The following THSD1 variants were observed in gnomAD, a reference collection of about 807,000 sequenced individuals.
THSD1 encodes thrombospondin type-1 domain-containing protein 1.
THSD1 carries 34 observed loss-of-function variants against 46.3 expected under a neutral mutation model. The ratio of observed to expected loss-of-function variants is 0.74; its 90% CI spans 0.56 to 0.98. THSD1 has a LOEUF of 0.98. Ranked by LOEUF, THSD1 falls within the 50% of genes least tolerant of loss-of-function variation. THSD1 has a pLI of 0.00. For synonymous variants in THSD1, 407 were observed against 416.5 expected (o/e 0.98, Z 0.28); for missense variants, 1,023 against 1,058.3 (o/e 0.97, Z 0.46).
At chr13:52,384,489 A>G (rs554162271) in intron 4 of THSD1, 27 of 449,328 alleles carry the variant, frequency 6.0e-5, no homozygotes, top group Middle Eastern at 3.3e-4. Context: ...AATGCCTGGC[A>G]GGCAGTAAGC....
chr13:52,380,535 C>T (rs1401742830), intron 4 of THSD1, among the ~76,000 whole-genome samples: 1 of 150,890 alleles, frequency 6.6e-6, no homozygotes, highest in African/African-American at 2.4e-5. Context: ...TCTTTTCCAC[C>T]TCCTGGGTTC....
intron 3 of THSD1, among the ~76,000 whole-genome samples, chr13:52,396,316 G>A (rs566549478): frequency 1.3e-5 from 2 of 152,246 alleles, no homozygotes; most frequent in South Asian, 4.1e-4. Context: ...AAGGTCAGGA[G>A]ATCGAGACCA....
At position 52,397,822 on chromosome 13, in the gene THSD1, G is replaced by A. The variant is rs1957823636; in HGVS notation, c.431C>T (p.Thr144Ile). ...ACTGGTAAATAGGCCCACTTGGAAG[G>A]TGCCTTCTGCTGCCTTGGCACTCCT... is the stretch of plus-strand genomic sequence containing the variant. The part of the protein sequence containing the change: ...LNRSAKAAEG[T>I]FQVGLFTSQP... The change falls in exon 3 of 5, where the codon ACC (threonine) becomes ATC (isoleucine). Residue 144 changes from threonine (T) to isoleucine (I), a missense_variant. Coordinates refer to ENST00000258613, the MANE Select transcript of THSD1 (RefSeq NM_018676.4). The A allele has an allele frequency of 6.2e-6, 10 of 1,614,126 alleles. No homozygotes were observed. The highest frequency in any genetic ancestry group is 3.3e-5 in the South Asian group (3 of 91,092).
rs564671456 is a variant in THSD1 at position 52,379,751 on chromosome 13, G to GAAAC, written c.1181-963_1181-962insGTTT. On this transcript the variant is annotated intron_variant, in intron 4 of 4. Transcript: ENST00000258613. Reference sequence around the variant, plus strand: ...GCCTCCCAAAGTGCTGGGATTACAGGTGTGAGCCACTGCGCCCAGCCAGAA... The same window carrying GAAAC: ...GCCTCCCAAAGTGCTGGGATTACAGGAAACTGTGAGCCACTGCGCCCAGCCAGAA... Among the ~76,000 whole-genome samples, 130 of 152,270 alleles carry GAAAC rather than the reference G, an allele frequency of 8.5e-4. 1 individual carries two copies. Among genetic ancestry groups the GAAAC allele is most frequent in the Middle Eastern group, 3.4e-3 (1 of 294 alleles).
rs1461191012 is a variant in THSD1 at position 52,386,215 on chromosome 13, G to A, written c.1022-29C>T. 2.5e-6 allele frequency: 4 copies of A among 1,605,676 alleles called. No homozygotes were observed. In the South Asian group the frequency reaches 3.3e-5, roughly 13 times the overall value. ...CAAGGATATAAGTTATGCTTTTAATGCTAGTTCATTTGAGAATCAGTATTT... is the reference window on the plus strand; with the variant it reads ...CAAGGATATAAGTTATGCTTTTAATACTAGTTCATTTGAGAATCAGTATTT... On this transcript the variant is annotated intron_variant, in intron 3 of 4. Transcript: ENST00000258613.
intron 4 of THSD1, among the ~76,000 whole-genome samples, chr13:52,382,575 A>T (rs889274326): frequency 1.1e-4 from 17 of 152,122 alleles, no homozygotes; most frequent in African/African-American, 3.9e-4. Context: ...CAGACACACT[A>T]AACTACTTTC....
At position 52,378,088 on chromosome 13, in the gene THSD1, A is replaced by T; in HGVS notation, c.1882T>A (p.Ser628Thr). The T allele has an allele frequency of 6.2e-7, 1 of 1,614,076 alleles. No homozygotes were observed. Among genetic ancestry groups the T allele is most frequent in the Non-Finnish European group, 8.5e-7 (1 of 1,180,012 alleles). Reference sequence around the variant, plus strand: ...CTGCTGCCCACGTGCCTTGCCTGTGACTTGCGGATCAGAGTCTGGCTGGGG... The same window carrying T: ...CTGCTGCCCACGTGCCTTGCCTGTGTCTTGCGGATCAGAGTCTGGCTGGGG... Reference protein sequence around the residue: ...ISPSQTLIRKSQARHVGSRGG... With the variant: ...ISPSQTLIRKTQARHVGSRGG... Residue 628 changes from serine (S) to threonine (T), a missense_variant, in exon 5 of 5, where the codon TCA (serine) becomes ACA (threonine). By Grantham distance (58) the Ser-to-Thr change is moderately conservative (BLOSUM62 1). Around this residue, in one of 3 missense-constraint regions of THSD1, gnomAD observed 578 missense variants for 497.4 expected, o/e 1.16. Coordinates refer to ENST00000258613, the MANE Select transcript of THSD1 (RefSeq NM_018676.4).
intron 3 of THSD1, among the ~76,000 whole-genome samples, chr13:52,391,791 C>G (rs1436837949): frequency 2.0e-5 from 3 of 152,018 alleles, no homozygotes; most frequent in Non-Finnish European, 4.4e-5. Context: ...GATTCACCCA[C>G]CTCGGCCTCT....
At chr13:52,398,745 T>C (rs1159954256) in intron 2 of THSD1, among the ~76,000 whole-genome samples, 1 of 152,212 alleles carries the variant, frequency 6.6e-6, no homozygotes, top group Non-Finnish European at 1.5e-5. Flanking sequence ...ATATCTGCAA[T>C]GAAAATCTAT....
chr13:52,406,010 G>A (rs953760801), intron 1 of THSD1, 21 bp downstream of exon 1: 2 of 152,308 alleles, frequency 1.3e-5, no homozygotes, highest in East Asian at 3.9e-4. Flanking sequence ...CGAACACCAG[G>A]ATGCGGAGGG....
Position 52,378,486 on chromosome 13 carries a change from G to A in THSD1, c.1484C>T (p.Pro495Leu). Residue 495 changes from proline to leucine, a missense_variant, in exon 5 of 5, where the codon CCT (proline) becomes CTT (leucine). This residue lies in a region of THSD1 where 578 missense variants were observed against 497.4 expected (regional missense o/e 1.16). Transcript: ENST00000258613. The stretch of plus-strand genomic sequence containing the variant: ...CGGCCCGCTCCGCCTGTAGGTCAGA[G>A]GGATGCCTGTGTCCCCTGGACTCCC... The part of the protein sequence containing the change: ...PTGSPGDTGI[P>L]LTYRRSGPVP... The A allele has an allele frequency of 1.2e-6, 2 of 1,614,224 alleles. No homozygotes were observed. The highest frequency in any genetic ancestry group is 1.1e-5 in the South Asian group (1 of 91,090).
intron 2 of THSD1, among the ~76,000 whole-genome samples, chr13:52,399,696 G>T (rs965806748): frequency 2.0e-5 from 3 of 152,166 alleles, no homozygotes; most frequent in African/African-American, 7.2e-5. Flanking sequence ...ACCATAATAG[G>T]ATAAAGTTCT....
chr13:52,378,147 T>C lies in THSD1; in HGVS notation c.1823A>G (p.Asp608Gly), dbSNP rs762347598. ...SAGERPPSRL[D>G]LNVTQASCAI... ...ACAACTGGCCTGAGTCACATTTAGA[T>C]CCAGCCTGGAGGGAGGCCTTTCCCC... Residue 608 changes from aspartate (D) to glycine (G), a missense_variant, in exon 5 of 5, where the codon GAT becomes GGT. By Grantham distance (94) the Asp-to-Gly change is moderately conservative (BLOSUM62 -1). This residue lies in a region of THSD1 where 578 missense variants were observed against 497.4 expected (regional missense o/e 1.16). Coordinates refer to ENST00000258613, the MANE Select transcript of THSD1 (RefSeq NM_018676.4). 1.2e-6 allele frequency: 2 copies of C among 1,614,104 alleles called. No homozygotes were observed. Among genetic ancestry groups the C allele is most frequent in the Admixed American group, 1.7e-5 (1 of 60,030 alleles).
chr13:52,387,257 G>A (rs1957739408), intron 3 of THSD1, among the ~76,000 whole-genome samples: 1 of 152,152 alleles, frequency 6.6e-6, no homozygotes, highest in South Asian at 2.1e-4. Flanking sequence ...AATGTGATAA[G>A]CACTGAGGGT....
At chr13:52,394,477 G>T (rs1199826120) in intron 3 of THSD1, among the ~76,000 whole-genome samples, 2 of 152,128 alleles carry the variant, frequency 1.3e-5, no homozygotes, top group African/African-American at 4.8e-5. Flanking sequence ...AGCCAGGCAT[G>T]GTGGGGCGCA....
At chr13:52,383,490 A>G (rs1197703575) in intron 4 of THSD1, among the ~76,000 whole-genome samples, 1 of 152,224 alleles carries the variant, frequency 6.6e-6, no homozygotes, top group Non-Finnish European at 1.5e-5. Context: ...TCCCTGATGT[A>G]TCACTTCCTT....
intron 3 of THSD1, among the ~76,000 whole-genome samples, chr13:52,396,687 A>G (rs1957814825): frequency 6.6e-6 from 1 of 152,184 alleles, no homozygotes; most frequent in Admixed American, 6.5e-5. Flanking sequence ...CTTCATGATT[A>G]GGTGGGGCAT....
Position 52,378,495 on chromosome 13 carries a change from G to C in THSD1, c.1475C>G (p.Thr492Arg), listed in dbSNP as rs746334791. The stretch of plus-strand genomic sequence containing the variant: ...CCGCCTGTAGGTCAGAGGGATGCCT[G>C]TGTCCCCTGGACTCCCCGTGGGCCC... ...GDGPTGSPGD[T>R]GIPLTYRRSG... Residue 492 changes from threonine (T) to arginine (R), a missense_variant, in exon 5 of 5, where the codon ACA (threonine) becomes AGA (arginine). This residue lies in a region of THSD1 where 578 missense variants were observed against 497.4 expected (regional missense o/e 1.16). Transcript: ENST00000258613. The C allele has an allele frequency of 6.2e-7, 1 of 1,614,202 alleles. No homozygotes were observed. Among genetic ancestry groups the C allele is most frequent in the Non-Finnish European group, 8.5e-7 (1 of 1,180,048 alleles).
Position 52,397,974 on chromosome 13 carries a change from G to C in THSD1, c.279C>G (p.Phe93Leu), listed in dbSNP as rs1957824886. Residue 93 changes from phenylalanine to leucine, a missense_variant, in exon 3 of 5, where the codon TTC (phenylalanine) becomes TTG (leucine). Phe to Leu is a conservative substitution (Grantham distance 22). Coordinates refer to ENST00000258613, the MANE Select transcript of THSD1 (RefSeq NM_018676.4). ...QGTLKFECFY[F>L]KEAGDYWFTM... Reference sequence around the variant, plus strand: ...TGAACCAGTAGTCACCAGCCTCCTTGAAATAGAAGCACTCAAACTTTAGTG... The same window carrying C: ...TGAACCAGTAGTCACCAGCCTCCTTCAAATAGAAGCACTCAAACTTTAGTG... 3 of 1,614,116 alleles carry C rather than the reference G, an allele frequency of 1.9e-6. No individual in the cohort carries two copies. Among genetic ancestry groups the C allele is most frequent in the African/African-American group, 2.7e-5 (2 of 74,936 alleles).
Sources: allele counts gnomAD v4.1 joint callset (sites outside exome capture counted in the v4.1 genomes callset), GRCh38; gene constraint gnomAD v4.1.1; regional missense constraint gnomAD v4.1.1; transcripts MANE v1.5; gene names NCBI Gene and HGNC (gene_info 2026-07-23, HGNC 2026-07-21).